The following KCNH5 variants were observed in gnomAD, a reference collection of about 807,000 sequenced individuals.
KCNH5 encodes the protein potassium voltage-gated channel subfamily H member 5.
A neutral mutation model predicts 96.1 loss-of-function variants in KCNH5; 46 were observed. That is an observed-to-expected ratio of 0.48 (90% confidence interval 0.38 to 0.61). The LOEUF is 0.61. Ranked by LOEUF, KCNH5 falls within the 20% of genes least tolerant of loss-of-function variation. The pLI is 0.00. For missense variants in KCNH5, 907 were observed against 1,225.8 expected (o/e 0.74, Z 3.88); for synonymous variants, 439 against 449.8 (o/e 0.98, Z 0.30).
At chr14:62,990,912 T>A (rs1253846497) in intron 4 of KCNH5, among the ~76,000 whole-genome samples, 1 of 151,782 alleles carries the variant, frequency 6.6e-6, no homozygotes, top group Non-Finnish European at 1.5e-5. Context: ...GAGGGGAAAA[T>A]CCCCTTATAA....
intron 7 of KCNH5, among the ~76,000 whole-genome samples, chr14:62,915,830 T>C (rs1247289367): frequency 2.6e-5 from 4 of 152,218 alleles, no homozygotes; most frequent in African/African-American, 9.6e-5. Context: ...AACTTTAATA[T>C]GAGATAGGTG....
At chr14:62,813,009 C>T (rs530593987) in intron 8 of KCNH5, among the ~76,000 whole-genome samples, 1 of 152,044 alleles carries the variant, frequency 6.6e-6, no homozygotes, top group African/African-American at 2.4e-5. Flanking sequence ...CCAGTATTCC[C>T]TTTCATAAAT....
At chr14:62,762,755 A>C (rs1031754585) in intron 10 of KCNH5, among the ~76,000 whole-genome samples, 3 of 152,276 alleles carry the variant, frequency 2.0e-5, no homozygotes, top group African/African-American at 7.2e-5. Flanking sequence ...TTTCAAAAAA[A>C]AAAACAGACT....
intron 8 of KCNH5, among the ~76,000 whole-genome samples, chr14:62,814,782 C>CAAAAA (rs71120235): frequency 0.074 from 2,492 of 33,708 alleles, 631 homozygotes; most frequent in Non-Finnish European, 0.09. Context: ...GACTCCATCT[C>CAAAAA]AAAAAAAAAA....
At chr14:63,004,981 T>C (rs1277966640) in intron 3 of KCNH5, among the ~76,000 whole-genome samples, 1 of 152,224 alleles carries the variant, frequency 6.6e-6, no homozygotes, top group Non-Finnish European at 1.5e-5. Flanking sequence ...ATCTAAATTA[T>C]TGAAGGCTTA....
chr14:62,996,245 T>G (rs1025270285), intron 4 of KCNH5, among the ~76,000 whole-genome samples: 1 of 152,204 alleles, frequency 6.6e-6, no homozygotes, highest in Non-Finnish European at 1.5e-5. Flanking sequence ...GAATTTTTCA[T>G]GTTAAATGTA....
intron 1 of KCNH5, among the ~76,000 whole-genome samples, chr14:63,044,444 C>T (rs1891884053): frequency 6.6e-6 from 1 of 152,194 alleles, no homozygotes; most frequent in Non-Finnish European, 1.5e-5. Flanking sequence ...ATAGTTACTG[C>T]TTCACTTCTA....
At chr14:62,753,017 C>T (rs1006773510) in intron 10 of KCNH5, among the ~76,000 whole-genome samples, 1 of 152,102 alleles carries the variant, frequency 6.6e-6, no homozygotes, top group Non-Finnish European at 1.5e-5. Context: ...AAACCAGGCA[C>T]CAATCCCAGA....
intron 7 of KCNH5, among the ~76,000 whole-genome samples, chr14:62,935,586 C>T (rs565977733): frequency 6.6e-6 from 1 of 152,182 alleles, no homozygotes; most frequent in Non-Finnish European, 1.5e-5. Flanking sequence ...GGCTTCTCTT[C>T]TTCCTCTTGG....
At chr14:63,001,297 A>T in intron 4 of KCNH5, 34 bp downstream of exon 4, 1 of 1,560,226 alleles carries the variant, frequency 6.4e-7, no homozygotes, top group South Asian at 1.2e-5. Context: ...GCAACAGCCT[A>T]ATTTTTCAGT....
chr14:62,950,702 G>A, intron 6 of KCNH5, 143 bp from the exon 7 acceptor site: 13 of 575,970 alleles, frequency 2.3e-5, no homozygotes, highest in South Asian at 7.4e-5. Context: ...CTGATTTTAA[G>A]AAAACAAAAA....
intron 7 of KCNH5, among the ~76,000 whole-genome samples, chr14:62,939,269 G>A (rs1889742730): frequency 6.6e-6 from 1 of 152,106 alleles, no homozygotes; most frequent in African/African-American, 2.4e-5. Context: ...CTACCTCACT[G>A]GGTTCTCTTC....
chr14:62,887,672 C>G (rs558078947), intron 7 of KCNH5, among the ~76,000 whole-genome samples: 110 of 152,146 alleles, frequency 7.2e-4, no homozygotes, highest in African/African-American at 2.5e-3. Context: ...GCTTCTGGGT[C>G]AGAGAATACA....
chr14:63,016,746 G>A, intron 2 of KCNH5, 85 bp downstream of exon 2: 1 of 1,315,104 alleles, frequency 7.6e-7, no homozygotes, highest in East Asian at 2.3e-5. Context: ...TTGTATATGG[G>A]AGTCCAAGTA....
chr14:62,970,968 C>T (rs1314197240), intron 6 of KCNH5, among the ~76,000 whole-genome samples: 4 of 151,876 alleles, frequency 2.6e-5, no homozygotes, highest in Admixed American at 6.6e-5. Context: ...AAAGATGTTC[C>T]CTCTCATCAC....
chr14:62,938,042 G>A (rs918634158), intron 7 of KCNH5, among the ~76,000 whole-genome samples: 1 of 152,156 alleles, frequency 6.6e-6, no homozygotes, highest in Non-Finnish European at 1.5e-5. Context: ...GTCAATACCA[G>A]ACCTGCCTCC....
intron 7 of KCNH5, among the ~76,000 whole-genome samples, chr14:62,882,781 A>G (rs1382833795): frequency 1.3e-5 from 2 of 152,184 alleles, no homozygotes; most frequent in African/African-American, 4.8e-5. Flanking sequence ...AGAATTGGAC[A>G]CAGATGCAAA....
intron 5 of KCNH5, among the ~76,000 whole-genome samples, chr14:62,984,114 G>T (rs1290210493): frequency 6.6e-6 from 1 of 152,066 alleles, no homozygotes; most frequent in Admixed American, 6.5e-5. Context: ...CATTTTCATT[G>T]TTATGTCATT....
At chr14:63,020,451 A>T (rs966938600) in intron 1 of KCNH5, among the ~76,000 whole-genome samples, 5 of 152,290 alleles carry the variant, frequency 3.3e-5, no homozygotes, top group Admixed American at 6.5e-5. Context: ...CCATATTTAC[A>T]CAAGGAGTAC....
Sources: gnomAD v4.1 joint callset for allele counts (sites outside exome capture counted in the v4.1 genomes callset) on GRCh38, gnomAD v4.1.1 for gene constraint, MANE v1.5 for transcripts, NCBI Gene and HGNC (gene_info 2026-07-23, HGNC 2026-07-21) for gene names.